COG2: variants seen among roughly 807,000 people sequenced by gnomAD.
The protein encoded by COG2 is conserved oligomeric Golgi complex subunit 2.
Under a neutral mutation model 90.6 loss-of-function variants are expected in COG2, and 52 were observed. The observed-to-expected ratio is 0.57, with a 90% CI of 0.46 to 0.72. The LOEUF is 0.72. Among genes scored for constraint, COG2 ranks in the 30% least tolerant of loss-of-function variants. The pLI is 0.00. For missense variants in COG2, 829 were observed against 891.2 expected (o/e 0.93, Z 0.89); for synonymous variants, 337 against 320.4 (o/e 1.05, Z -0.55).
intron 1 of COG2, 35 bp downstream of exon 1, chr1:230,642,713 T>G (rs373040834): frequency 5.2e-5 from 83 of 1,598,082 alleles, no homozygotes; most frequent in Non-Finnish European, 6.6e-5. Flanking sequence ...AGCCGGGCCA[T>G]GAGGGTGCCT....
chr1:230,663,396 T>A (rs1662238870), intron 4 of COG2, among the ~76,000 whole-genome samples, 175 bp downstream of exon 4: 1 of 152,112 alleles, frequency 6.6e-6, no homozygotes, highest in Non-Finnish European at 1.5e-5. Flanking sequence ...ATGTATTTAT[T>A]AGATGTATTT....
intron 9 of COG2, among the ~76,000 whole-genome samples, chr1:230,676,479 C>T (rs1662600562): frequency 6.6e-6 from 1 of 152,194 alleles, no homozygotes; most frequent in South Asian, 2.1e-4. Flanking sequence ...AACACATTAA[C>T]ACCAACCATC....
chr1:230,653,235 T>G (rs12748925), intron 1 of COG2, among the ~76,000 whole-genome samples: 27,615 of 148,138 alleles, frequency 0.19, 2,567 homozygotes, highest in Admixed American at 0.23. Flanking sequence ...TTTTTTTTTT[T>G]GGGGAGACAG....
chr1:230,648,806 G>A (rs1320373794), intron 1 of COG2, among the ~76,000 whole-genome samples: 1 of 152,030 alleles, frequency 6.6e-6, no homozygotes, highest in Non-Finnish European at 1.5e-5. Flanking sequence ...CACAAAATGG[G>A]GCTTGGGCTT....
intron 1 of COG2, among the ~76,000 whole-genome samples, chr1:230,648,583 C>T (rs919925395): frequency 2.0e-5 from 3 of 152,154 alleles, no homozygotes; most frequent in Non-Finnish European, 4.4e-5. Flanking sequence ...AAAAGAAGTT[C>T]TTTGGTATGC....
intron 6 of COG2, 152 bp from the exon 7 acceptor site, chr1:230,669,204 G>A: frequency 1.7e-6 from 1 of 603,974 alleles, no homozygotes; most frequent in Non-Finnish European, 2.8e-6. Context: ...ATTGGAGTGA[G>A]GGGTTCATTG....
chr1:230,685,140 G>C lies in COG2; in HGVS notation c.1284G>C (p.Arg428Ser), dbSNP rs1194562705. Reference sequence around the variant, plus strand: ...ATAGAACTTGGAGCAGCCTTAGGAGGTGTTGGTCAGATGAGATGTTCTTGC... The same window carrying C: ...ATAGAACTTGGAGCAGCCTTAGGAGCTGTTGGTCAGATGAGATGTTCTTGC... ...ASHRTWSSLR[R>S]CWSDEMFLPL... The change falls in exon 12 of 18, where the codon AGG becomes AGC. Residue 428 changes from arginine (R) to serine (S), a missense_variant. Coordinates refer to ENST00000366669, the MANE Select transcript of COG2 (RefSeq NM_007357.3). The C allele has an allele frequency of 1.2e-6, 2 of 1,614,058 alleles. No homozygotes were observed. Among genetic ancestry groups the C allele is most frequent in the Admixed American group, 3.3e-5 (2 of 60,014 alleles).
intron 11 of COG2, among the ~76,000 whole-genome samples, chr1:230,684,811 C>T (rs751171217): frequency 1.1e-4 from 16 of 152,164 alleles, no homozygotes; most frequent in South Asian, 2.1e-4. Context: ...ACCTATTAAA[C>T]GTTATTTCTG....
intron 2 of COG2, among the ~76,000 whole-genome samples, chr1:230,660,361 G>A (rs531745212): frequency 6.6e-6 from 1 of 152,042 alleles, no homozygotes; most frequent in African/African-American, 2.4e-5. Context: ...TTTTCTCAAG[G>A]GTTATAATGG....
intron 5 of COG2, among the ~76,000 whole-genome samples, chr1:230,666,762 C>T (rs1314092948): frequency 6.6e-6 from 1 of 152,126 alleles, no homozygotes; most frequent in Non-Finnish European, 1.5e-5. Flanking sequence ...TTTATTCCAT[C>T]CAAATCTAGC....
At chr1:230,659,647 C>T (rs1429063862) in intron 2 of COG2, 22 bp downstream of exon 2, 1 of 1,603,696 alleles carries the variant, frequency 6.2e-7, no homozygotes, top group South Asian at 1.1e-5. Flanking sequence ...ATCCACGGTC[C>T]CATTTACATA....
chr1:230,659,019 GAAAA>G (rs1164656599), intron 1 of COG2, among the ~76,000 whole-genome samples: 1 of 151,894 alleles, frequency 6.6e-6, no homozygotes, highest in Non-Finnish European at 1.5e-5. Context: ...GTTAGGTAGA[GAAAA>G]AAATTAATAG....
At chr1:230,653,168 A>G (rs1257974053) in intron 1 of COG2, among the ~76,000 whole-genome samples, 1 of 151,224 alleles carries the variant, frequency 6.6e-6, no homozygotes, top group Non-Finnish European at 1.5e-5. Context: ...ATTCTCCAGC[A>G]CCTAGTCCTC....
chr1:230,653,191 C>A (rs1337057115), intron 1 of COG2, among the ~76,000 whole-genome samples: 1 of 151,366 alleles, frequency 6.6e-6, no homozygotes, highest in East Asian at 1.9e-4. Flanking sequence ...CTTTTTGTTT[C>A]AATGAATTTG....
At chr1:230,670,929 T>C (rs1340203876) in intron 7 of COG2, 1 of 151,358 alleles carries the variant, frequency 6.6e-6, no homozygotes, top group Non-Finnish European at 1.5e-5. Context: ...AATATTTTAG[T>C]CACTAATCTA....
At position 230,669,424 on chromosome 1, in the gene COG2, G is replaced by A. The variant is rs138256565; in HGVS notation, c.663G>A (p.Thr221=). The A allele has an allele frequency of 1.9e-5, 31 of 1,613,966 alleles. No homozygotes were observed. The highest frequency in any genetic ancestry group is 1.6e-4 in the Middle Eastern group (1 of 6,082). The part of the protein sequence containing the change: ...LEGLLLEGLQ[T]SDVDIIRHCL... ...GTCTCCTATTAGAAGGCCTTCAGACGTCTGACGTCGATATAATACGGCACT... is the reference window on the plus strand; with the variant it reads ...GTCTCCTATTAGAAGGCCTTCAGACATCTGACGTCGATATAATACGGCACT... Residue 221 remains threonine (T), a synonymous_variant, in exon 7 of 18, where the codon ACG becomes ACA. Transcript: ENST00000366669.
At chr1:230,644,482 T>C (rs1368852704) in intron 1 of COG2, among the ~76,000 whole-genome samples, 1 of 152,226 alleles carries the variant, frequency 6.6e-6, no homozygotes, top group Admixed American at 6.5e-5. Context: ...TTGGATAGGT[T>C]TTGTACGTGT....
At chr1:230,648,074 C>A (rs560616387) in intron 1 of COG2, among the ~76,000 whole-genome samples, 1 of 152,234 alleles carries the variant, frequency 6.6e-6, no homozygotes, top group Admixed American at 6.5e-5. Context: ...TCATGCTTTC[C>A]TTTCTAGATG....
Position 230,678,785 on chromosome 1 carries a change from C to T in COG2, c.1027-128C>T, listed in dbSNP as rs755985391. ...CATTGGAAGAAAGATCTTGTAAGTTCCTTGTTAACTCTAGAAACTGTGATT... is the reference window on the plus strand; with the variant it reads ...CATTGGAAGAAAGATCTTGTAAGTTTCTTGTTAACTCTAGAAACTGTGATT... On this transcript the variant is annotated intron_variant, in intron 9 of 17. Coordinates refer to ENST00000366669, the MANE Select transcript of COG2 (RefSeq NM_007357.3). 4.5e-6 allele frequency: 7 copies of T among 1,556,248 alleles called. No homozygotes were observed. The South Asian group carries it at 6.9e-5, about 15-fold the overall frequency.
Sources: allele counts gnomAD v4.1 joint callset (sites outside exome capture counted in the v4.1 genomes callset), GRCh38; gene constraint gnomAD v4.1.1; transcripts MANE v1.5; gene names NCBI Gene and HGNC (gene_info 2026-07-23, HGNC 2026-07-21).